AGBL4: variants seen among roughly 807,000 people sequenced by gnomAD.
AGBL4 encodes AGBL carboxypeptidase 4, also known as cytosolic carboxypeptidase 6.
AGBL4 carries 58 observed loss-of-function variants against 66.4 expected under a neutral mutation model. That is an observed-to-expected ratio of 0.87 (90% confidence interval 0.71 to 1.09). AGBL4 has a LOEUF of 1.09. Ranked by LOEUF, AGBL4 falls within the 50% of genes least tolerant of loss-of-function variation. The probability of loss-of-function intolerance (pLI) is 0.00; values close to 1 mark genes in which losing one functional copy is unlikely to be tolerated. For synonymous variants in AGBL4, 234 were observed against 222.9 expected, an observed-to-expected ratio of 1.05 and a Z score of -0.44; for missense variants, 579 against 631.0, an observed-to-expected ratio of 0.92 and a Z score of 0.88.
chr1:48,770,621 C>T (rs990320962), intron 6 of AGBL4, among the ~76,000 whole-genome samples: 1 of 152,220 alleles, frequency 6.6e-6, no homozygotes, highest in Non-Finnish European at 1.5e-5. Flanking sequence ...CCTCAGACCA[C>T]ATGCCTACTT....
chr1:49,871,054 C>T (rs549745713), intron 1 of AGBL4, among the ~76,000 whole-genome samples: 5 of 151,970 alleles, frequency 3.3e-5, no homozygotes, highest in South Asian at 2.1e-4. Context: ...ATGGAAGAGG[C>T]GGGCATGTGA....
chr1:49,174,120 A>G (rs930819363), intron 4 of AGBL4, among the ~76,000 whole-genome samples: 64 of 152,178 alleles, frequency 4.2e-4, no homozygotes, highest in African/African-American at 1.4e-3. Context: ...ATCAGAGGGA[A>G]GAGAAGTGGG....
At chr1:49,621,386 G>A (rs1558108594) in intron 3 of AGBL4, among the ~76,000 whole-genome samples, 1 of 152,146 alleles carries the variant, frequency 6.6e-6, no homozygotes, top group Non-Finnish European at 1.5e-5. Flanking sequence ...CTTTTTAAAA[G>A]AGGCAAAGGC....
intron 3 of AGBL4, among the ~76,000 whole-genome samples, chr1:49,293,113 G>A (rs1179655917): frequency 2.0e-5 from 3 of 152,198 alleles, no homozygotes; most frequent in African/African-American, 4.8e-5. Flanking sequence ...ACATTTCCTG[G>A]TGCCAGCCAT....
chr1:48,805,639 G>C (rs12072244), intron 6 of AGBL4, among the ~76,000 whole-genome samples: 10,629 of 152,200 alleles, frequency 0.07, 506 homozygotes, highest in East Asian at 0.17. Flanking sequence ...GCAGACAACT[G>C]TGTGATTTTC....
At chr1:49,529,980 G>T (rs1650966544) in intron 3 of AGBL4, among the ~76,000 whole-genome samples, 1 of 151,700 alleles carries the variant, frequency 6.6e-6, no homozygotes, top group Non-Finnish European at 1.5e-5. Flanking sequence ...AGGAAAACAG[G>T]GTTAGGTCAT....
chr1:49,826,989 A>G (rs1645526652), intron 2 of AGBL4, among the ~76,000 whole-genome samples: 1 of 152,220 alleles, frequency 6.6e-6, no homozygotes, highest in African/African-American at 2.4e-5. Flanking sequence ...GAAAAAGAAC[A>G]TACCAAACAA....
intron 4 of AGBL4, among the ~76,000 whole-genome samples, chr1:49,240,558 T>C (rs1019517891): frequency 3.2e-4 from 49 of 151,414 alleles, no homozygotes; most frequent in South Asian, 8.4e-4. Context: ...TTTCTTTTTT[T>C]TTTTTTTTTT....
At chr1:48,606,541 G>T (rs1012254653) in intron 9 of AGBL4, among the ~76,000 whole-genome samples, 6 of 152,186 alleles carry the variant, frequency 3.9e-5, no homozygotes, top group South Asian at 2.1e-4. Flanking sequence ...ACACTTTGGA[G>T]AAATCACCTT....
At chr1:49,982,265 C>T (rs1659116835) in intron 1 of AGBL4, among the ~76,000 whole-genome samples, 1 of 152,232 alleles carries the variant, frequency 6.6e-6, no homozygotes, top group Non-Finnish European at 1.5e-5. Context: ...CAGGGCTGCG[C>T]TCCACAGAGC....
intron 5 of AGBL4, among the ~76,000 whole-genome samples, chr1:48,958,567 A>G (rs978152473): frequency 1.4e-4 from 21 of 152,258 alleles, no homozygotes; most frequent in African/African-American, 5.1e-4. Context: ...AATCACTAGC[A>G]TTACAATCTT....
intron 2 of AGBL4, among the ~76,000 whole-genome samples, chr1:49,806,914 T>C (rs1451722788): frequency 1.3e-5 from 2 of 152,126 alleles, no homozygotes; most frequent in East Asian, 1.9e-4. Flanking sequence ...CAGGCAGTAG[T>C]TGCCACCCCT....
chr1:48,944,999 G>T (rs7528890), intron 5 of AGBL4, among the ~76,000 whole-genome samples: 1 of 152,174 alleles, frequency 6.6e-6, no homozygotes, highest in Non-Finnish European at 1.5e-5. Context: ...CTCAGATGGT[G>T]ACAATCATGG....
intron 4 of AGBL4, among the ~76,000 whole-genome samples, chr1:49,122,894 C>G (rs892459652): frequency 6.6e-6 from 1 of 152,110 alleles, no homozygotes; most frequent in Non-Finnish European, 1.5e-5. Context: ...CACTCTGTCA[C>G]CCAGGGTGGA....
chr1:49,051,960 G>A (rs562491775), intron 4 of AGBL4, among the ~76,000 whole-genome samples: 5 of 152,162 alleles, frequency 3.3e-5, no homozygotes, highest in African/African-American at 1.2e-4. Flanking sequence ...GAGAGAGACA[G>A]TGCTACATAT....
chr1:48,651,718 C>T (rs1051260635), intron 8 of AGBL4, among the ~76,000 whole-genome samples: 6 of 152,174 alleles, frequency 3.9e-5, no homozygotes, highest in African/African-American at 2.4e-5. Flanking sequence ...TACCAGGAAG[C>T]CCCTCTGGAC....
intron 9 of AGBL4, among the ~76,000 whole-genome samples, chr1:48,626,110 C>T (rs1025539675): frequency 1.3e-5 from 2 of 152,156 alleles, no homozygotes; most frequent in African/African-American, 4.8e-5. Context: ...TTACTGATTT[C>T]CTGGGCCACG....
At chr1:49,943,721 GAA>G (rs34779897) in intron 1 of AGBL4, among the ~76,000 whole-genome samples, 13 of 137,656 alleles carry the variant, frequency 9.4e-5, no homozygotes, top group Middle Eastern at 3.8e-3. Context: ...AGGTCACAGG[GAA>G]AAAAAAAAAA....
chr1:49,976,592 C>T (rs1214192877), intron 1 of AGBL4, among the ~76,000 whole-genome samples: 2 of 152,122 alleles, frequency 1.3e-5, no homozygotes, highest in African/African-American at 4.8e-5. Flanking sequence ...AGAACACTTT[C>T]TCATGTAATA....
Sources: allele counts gnomAD v4.1 joint callset (sites outside exome capture counted in the v4.1 genomes callset), GRCh38; gene constraint gnomAD v4.1.1; transcripts MANE v1.5; gene names NCBI Gene and HGNC (gene_info 2026-07-23, HGNC 2026-07-21).